RNF24: variants seen among roughly 807,000 people sequenced by gnomAD.
The protein encoded by RNF24 is ring finger protein 24.
RNF24 carries 14 observed loss-of-function variants against 20.0 expected under a neutral mutation model. The ratio of observed to expected loss-of-function variants is 0.70; its 90% CI spans 0.46 to 1.10. The LOEUF is 1.10. Ranked by LOEUF, RNF24 falls within the 50% of genes least tolerant of loss-of-function variation. RNF24 has a pLI of 0.00. For synonymous variants in RNF24, 45 were observed against 61.1 expected, an observed-to-expected ratio of 0.74 and a Z score of 1.23; for missense variants, 124 against 177.6, an observed-to-expected ratio of 0.70 and a Z score of 1.71.
intron 1 of RNF24, among the ~76,000 whole-genome samples, chr20:3,985,513 G>A (rs1487185877): frequency 6.6e-6 from 1 of 151,568 alleles, no homozygotes; most frequent in Non-Finnish European, 1.5e-5. Context: ...TGTTTCTTCT[G>A]CTACCATTGT....
intron 1 of RNF24, among the ~76,000 whole-genome samples, chr20:4,000,024 A>C (rs977688874): frequency 1.3e-5 from 2 of 152,134 alleles, no homozygotes; most frequent in Non-Finnish European, 2.9e-5. Context: ...GGGGAGAATG[A>C]GGGGACTGAG....
Position 3,929,824 on chromosome 20 carries a change from C to CTGAT in RNF24, c.*4235_*4238dup, listed in dbSNP as rs1311892529. The CTGAT allele has an allele frequency of 6.6e-6, 1 of 152,222 alleles. No homozygotes were observed. The highest frequency in any genetic ancestry group is 2.4e-5 in the African/African-American group (1 of 41,454). 9.4% of individuals were successfully genotyped at this position (152,222 alleles called of 1,614,324 possible). On this transcript the variant is annotated 3_prime_UTR_variant, in exon 6 of 6. Coordinates refer to ENST00000358395, the MANE Select transcript of RNF24 (RefSeq NM_001134337.3). ...TGGGGTAAGGGAGGGACTGCAGATT[C>CTGAT]TGATTTGTACAGAAAACTAAAATTT...
chr20:3,991,302 A>T (rs1338444704), intron 1 of RNF24, among the ~76,000 whole-genome samples: 1 of 132,948 alleles, frequency 7.5e-6, no homozygotes, highest in Non-Finnish European at 1.5e-5. Context: ...CCCAGGCTGG[A>T]ATGCAGTGGT....
At chr20:3,990,670 C>A (rs980274042) in intron 1 of RNF24, among the ~76,000 whole-genome samples, 2 of 151,746 alleles carry the variant, frequency 1.3e-5, no homozygotes, top group Admixed American at 6.6e-5. Flanking sequence ...CCAGCCTGGG[C>A]CAACACAGTT....
intron 1 of RNF24, among the ~76,000 whole-genome samples, chr20:3,987,707 C>T (rs979553049): frequency 1.3e-5 from 2 of 152,204 alleles, no homozygotes; most frequent in Non-Finnish European, 2.9e-5. Flanking sequence ...CGATGAGCCA[C>T]ATGAACAGAG....
At chr20:4,013,616 G>T (rs1447927386) in intron 1 of RNF24, among the ~76,000 whole-genome samples, 1 of 152,094 alleles carries the variant, frequency 6.6e-6, no homozygotes, top group African/African-American at 2.4e-5. Flanking sequence ...CGAGTAGCTG[G>T]AATTACAGGC....
intron 1 of RNF24, among the ~76,000 whole-genome samples, chr20:4,002,523 A>G (rs1240152039): frequency 1.3e-5 from 2 of 152,236 alleles, no homozygotes; most frequent in African/African-American, 4.8e-5. Context: ...GGCCATAATA[A>G]AAAAATTTAA....
chr20:3,984,171 G>A (rs913381628), intron 1 of RNF24, among the ~76,000 whole-genome samples: 2 of 151,688 alleles, frequency 1.3e-5, no homozygotes, highest in Admixed American at 6.6e-5. Flanking sequence ...TGGAGTCTGC[G>A]GTGAGCTATG....
chr20:3,939,956 G>A (rs561356548), intron 4 of RNF24, among the ~76,000 whole-genome samples: 1 of 151,062 alleles, frequency 6.6e-6, no homozygotes, highest in Admixed American at 6.6e-5. Flanking sequence ...TATTACAAAC[G>A]AAAAAAAAAT....
At chr20:3,965,284 G>A (rs2091246323) in intron 1 of RNF24, among the ~76,000 whole-genome samples, 1 of 152,142 alleles carries the variant, frequency 6.6e-6, no homozygotes, top group Non-Finnish European at 1.5e-5. Flanking sequence ...TTAAAAATGT[G>A]TTCACAGATT....
At chr20:3,995,133 C>T (rs1980758267) in intron 1 of RNF24, among the ~76,000 whole-genome samples, 1 of 152,200 alleles carries the variant, frequency 6.6e-6, no homozygotes, top group Admixed American at 6.5e-5. Flanking sequence ...CCACGCCCCA[C>T]CACGGGGACT....
chr20:3,967,564 A>G (rs1328698697), intron 1 of RNF24, among the ~76,000 whole-genome samples: 1 of 152,198 alleles, frequency 6.6e-6, no homozygotes, highest in Non-Finnish European at 1.5e-5. Flanking sequence ...GTTTAACACA[A>G]TACACCACAG....
chr20:3,982,531 C>G (rs1026463393), intron 1 of RNF24, among the ~76,000 whole-genome samples: 3 of 142,362 alleles, frequency 2.1e-5, no homozygotes, highest in Admixed American at 1.5e-4. Flanking sequence ...GAGCCGAGAT[C>G]GTGCCATTTT....
chr20:3,978,691 A>T (rs8115772), intron 1 of RNF24, among the ~76,000 whole-genome samples: 57,599 of 152,150 alleles, frequency 0.38, 12,226 homozygotes, highest in Non-Finnish European at 0.48. Flanking sequence ...AATTATTTTT[A>T]AAAAAAGTAG....
intron 1 of RNF24, among the ~76,000 whole-genome samples, chr20:4,006,218 A>C (rs1437265406): frequency 6.6e-6 from 1 of 152,042 alleles, no homozygotes; most frequent in Non-Finnish European, 1.5e-5. Flanking sequence ...AAAATACAAA[A>C]ATTAGCTGAG....
intron 2 of RNF24, among the ~76,000 whole-genome samples, chr20:3,954,057 C>T (rs1398656452): frequency 1.7e-4 from 26 of 152,004 alleles, no homozygotes; most frequent in Admixed American, 6.6e-5. Context: ...TGCCCGGCCC[C>T]GGTTTTTTCT....
chr20:3,934,075 C>A lies in RNF24; in HGVS notation c.435G>T (p.Glu145Asp). The stretch of plus-strand genomic sequence containing the variant: ...TCCTTGCGGTAAGCTATACAATGTT[C>A]TCTGCCCCAGGAAGGGGCCCCTGAG... ...GPPQGPLPGA[E>D]NIV The change falls in exon 6 of 6, where the codon GAG (glutamate) becomes GAT (aspartate). Residue 145 changes from glutamate (E) to aspartate (D), a missense_variant. Coordinates refer to ENST00000358395, the MANE Select transcript of RNF24 (RefSeq NM_001134337.3). This position sits in a 1 kb window ranked among gnomAD's most constrained non-coding sequence, Gnocchi z 4.0. 6.7e-7 allele frequency: 1 copy of A among 1,503,662 alleles called. No homozygotes were observed. Among genetic ancestry groups the A allele is most frequent in the South Asian group, 1.3e-5 (1 of 74,156 alleles). The allele number at this position is 1,503,662 out of a possible 1,614,324, so 93.1% of individuals were successfully genotyped here.
chr20:3,938,223 G>T (rs1471953185), intron 4 of RNF24, among the ~76,000 whole-genome samples: 1 of 152,152 alleles, frequency 6.6e-6, no homozygotes, highest in Non-Finnish European at 1.5e-5. Context: ...CTTCTTTGGA[G>T]AAATGCCTAT....
At chr20:3,957,882 C>G (rs1048843615) in intron 2 of RNF24, among the ~76,000 whole-genome samples, 1 of 152,126 alleles carries the variant, frequency 6.6e-6, no homozygotes, top group Non-Finnish European at 1.5e-5. Flanking sequence ...AGCTTATGGC[C>G]ACTGCAAATT....
Sources: gnomAD v4.1 joint callset for allele counts (sites outside exome capture counted in the v4.1 genomes callset) on GRCh38, gnomAD v4.1.1 for gene constraint, Gnocchi (gnomAD v3.1) non-coding constraint, MANE v1.5 for transcripts, NCBI Gene and HGNC (gene_info 2026-07-23, HGNC 2026-07-21) for gene names.